The following LHFPL2 variants were observed in gnomAD, a reference collection of about 807,000 sequenced individuals.
LHFPL2 encodes LHFPL tetraspan subfamily member 2 protein.
Under a neutral mutation model 17.5 loss-of-function variants are expected in LHFPL2, and 7 were observed. That is an observed-to-expected ratio of 0.40 (90% CI 0.23 to 0.75). The LOEUF (loss-of-function observed/expected upper bound fraction) is 0.75, where lower values mean the gene tolerates loss of function less well. Ranked by LOEUF, LHFPL2 falls within the 30% of genes least tolerant of loss-of-function variation. The pLI is 0.37. For synonymous variants in LHFPL2, 134 were observed against 116.2 expected (o/e 1.15, Z -0.99); for missense variants, 241 against 294.8 (o/e 0.82, Z 1.34).
At chr5:78,560,156 G>A (rs935504443) in intron 3 of LHFPL2, among the ~76,000 whole-genome samples, 1 of 152,194 alleles carries the variant, frequency 6.6e-6, no homozygotes, top group African/African-American at 2.4e-5. Context: ...CCTCATAAGG[G>A]ATGTGGCCTA....
intron 3 of LHFPL2, among the ~76,000 whole-genome samples, chr5:78,548,064 C>A (rs1249621328): frequency 1.3e-5 from 2 of 152,246 alleles, no homozygotes; most frequent in Non-Finnish European, 2.9e-5. Flanking sequence ...GGAGGAAGAG[C>A]CTTCATGACC....
At chr5:78,569,821 T>A (rs1024386947) in intron 2 of LHFPL2, among the ~76,000 whole-genome samples, 2 of 152,148 alleles carry the variant, frequency 1.3e-5, no homozygotes, top group Non-Finnish European at 1.5e-5. Flanking sequence ...ACGTTGCTAA[T>A]CAGGAAAAAT....
chr5:78,567,557 T>C (rs1246980660), intron 2 of LHFPL2, among the ~76,000 whole-genome samples: 1 of 152,134 alleles, frequency 6.6e-6, no homozygotes, highest in Non-Finnish European at 1.5e-5. Flanking sequence ...TGTTACTACT[T>C]AAAGTTTATG....
intron 1 of LHFPL2, among the ~76,000 whole-genome samples, chr5:78,637,530 G>A (rs147359053): frequency 1.4e-3 from 212 of 152,316 alleles, no homozygotes; most frequent in African/African-American, 4.9e-3. Context: ...GAAGTGCCAG[G>A]GCTGAGGGCT....
intron 2 of LHFPL2, among the ~76,000 whole-genome samples, chr5:78,605,698 T>C (rs1744189435): frequency 6.6e-6 from 1 of 152,170 alleles, no homozygotes; most frequent in African/African-American, 2.4e-5. Context: ...CTTTGGTCTA[T>C]CACAAAATTT....
chr5:78,556,927 G>C (rs986877384), intron 3 of LHFPL2, among the ~76,000 whole-genome samples: 2 of 151,946 alleles, frequency 1.3e-5, no homozygotes, highest in Non-Finnish European at 2.9e-5. Context: ...TGATAACTGG[G>C]GGGACAGGTC....
intron 2 of LHFPL2, among the ~76,000 whole-genome samples, chr5:78,620,603 A>G (rs1382846332): frequency 6.6e-6 from 1 of 152,132 alleles, no homozygotes; most frequent in Non-Finnish European, 1.5e-5. Flanking sequence ...TAAGGTCTAG[A>G]GACACTTTTC....
intron 2 of LHFPL2, among the ~76,000 whole-genome samples, chr5:78,617,741 A>G (rs1015538098): frequency 6.6e-6 from 1 of 152,148 alleles, no homozygotes; most frequent in Non-Finnish European, 1.5e-5. Context: ...CAGGACTCTG[A>G]CCCTACTCTC....
intron 2 of LHFPL2, among the ~76,000 whole-genome samples, chr5:78,579,882 T>C (rs1743038365): frequency 6.6e-6 from 1 of 152,248 alleles, no homozygotes; most frequent in African/African-American, 2.4e-5. Context: ...CTGGGTCAAA[T>C]GGTGTTTCTA....
chr5:78,575,735 G>A (rs1580821297), intron 2 of LHFPL2, among the ~76,000 whole-genome samples: 1 of 152,190 alleles, frequency 6.6e-6, no homozygotes. Context: ...TCCCTGACCA[G>A]GAAAATAACA....
chr5:78,542,191 T>C (rs1756133723), intron 3 of LHFPL2, among the ~76,000 whole-genome samples: 1 of 152,044 alleles, frequency 6.6e-6, no homozygotes. Flanking sequence ...TCCAGCACTA[T>C]GTGCCAGCTC....
chr5:78,611,223 C>T (rs1411895956), intron 2 of LHFPL2, among the ~76,000 whole-genome samples: 1 of 152,186 alleles, frequency 6.6e-6, no homozygotes, highest in Non-Finnish European at 1.5e-5. Flanking sequence ...AGCACGCGTC[C>T]CCAGGCAGAG....
At chr5:78,489,245 G>T in intron 4 of LHFPL2, 92 bp from the exon 5 acceptor site, 2 of 1,425,892 alleles carry the variant, frequency 1.4e-6, no homozygotes, top group Non-Finnish European at 9.7e-7. Flanking sequence ...TGCTTGCTTT[G>T]GGCAAGGGCA....
intron 1 of LHFPL2, among the ~76,000 whole-genome samples, chr5:78,634,328 T>G (rs958938304): frequency 6.6e-6 from 1 of 152,212 alleles, no homozygotes; most frequent in Non-Finnish European, 1.5e-5. Context: ...GTGGCTGTGC[T>G]GCAGGAACTC....
intron 2 of LHFPL2, among the ~76,000 whole-genome samples, chr5:78,607,018 C>T (rs1157571699): frequency 6.6e-6 from 1 of 152,144 alleles, no homozygotes; most frequent in Non-Finnish European, 1.5e-5. Context: ...ATTTGCCTTG[C>T]AGCCTAAGTG....
At chr5:78,601,012 A>G (rs1045206513) in intron 2 of LHFPL2, among the ~76,000 whole-genome samples, 5 of 152,206 alleles carry the variant, frequency 3.3e-5, no homozygotes, top group African/African-American at 4.8e-5. Flanking sequence ...AATCTGCCCA[A>G]CACTTGACCA....
chr5:78,509,960 T>C lies in LHFPL2; in HGVS notation c.254A>G (p.Tyr85Cys), dbSNP rs777850578. ...HFQRDTLCGP[Y>C]AESFGEIASG... ...GGCGATCTCGCCGAAGCTCTCGGCGTAGGGCCCGCACAGCGTGTCCCGCTG... is the reference window on the plus strand; with the variant it reads ...GGCGATCTCGCCGAAGCTCTCGGCGCAGGGCCCGCACAGCGTGTCCCGCTG... The change falls in exon 4 of 5, where the codon TAC becomes TGC. Residue 85 changes from tyrosine to cysteine, a missense_variant. Tyr to Cys is a radical substitution (Grantham distance 194, BLOSUM62 -2). Coordinates refer to ENST00000380345, the MANE Select transcript of LHFPL2 (RefSeq NM_005779.3). 3 of 1,613,908 alleles carry C rather than the reference T, an allele frequency of 1.9e-6. No individual in the cohort carries two copies. Among genetic ancestry groups the C allele is most frequent in the Non-Finnish European group, 2.5e-6 (3 of 1,180,014 alleles).
Position 78,510,296 on chromosome 5 carries a change from G to T in LHFPL2, c.-83C>A. On this transcript the variant is annotated 5_prime_UTR_variant, in exon 4 of 5. Coordinates refer to ENST00000380345, the MANE Select transcript of LHFPL2 (RefSeq NM_005779.3). ...AGTCGGTGGGGAAGGAGGCTCGGGC[G>T]GCCCGGGAAGGAAGTCGCAGCTGCA... The T allele has an allele frequency of 1.5e-6, 2 of 1,344,528 alleles. No homozygotes were observed. Among genetic ancestry groups the T allele is most frequent in the Non-Finnish European group, 2.0e-6 (2 of 997,620 alleles). 83.3% of individuals were successfully genotyped at this position (1,344,528 alleles called of 1,614,324 possible). A position where few individuals can be genotyped will look rare whatever the true frequency, so the allele number is the denominator to read the frequency against.
chr5:78,506,210 T>C (rs1754926153), intron 4 of LHFPL2, among the ~76,000 whole-genome samples: 1 of 152,278 alleles, frequency 6.6e-6, no homozygotes, highest in Non-Finnish European at 1.5e-5. Context: ...TTTTGATTAT[T>C]TATGCTGTGT....
Sources: allele counts gnomAD v4.1 joint callset (sites outside exome capture counted in the v4.1 genomes callset), GRCh38; gene constraint gnomAD v4.1.1; transcripts MANE v1.5; gene names NCBI Gene and HGNC (gene_info 2026-07-23, HGNC 2026-07-21).